Variants in DNAI7 observed in about 807,000 individuals in gnomAD.
DNAI7 encodes the protein cancer susceptibility 1.
In DNAI7, 78 loss-of-function variants were observed where a neutral mutation model predicts 86.6. The ratio of observed to expected loss-of-function variants is 0.90; its 90% CI spans 0.75 to 1.09. The LOEUF (loss-of-function observed/expected upper bound fraction) is 1.09, where lower values mean the gene tolerates loss of function less well. Ranked by LOEUF, DNAI7 falls within the 50% of genes least tolerant of loss-of-function variation. The probability of loss-of-function intolerance (pLI) is 0.00; values close to 1 mark genes in which losing one functional copy is unlikely to be tolerated. For synonymous variants in DNAI7, 274 were observed against 273.0 expected (o/e 1.00, Z -0.04); for missense variants, 753 against 810.2 (o/e 0.93, Z 0.86).
chr12:25,142,798 G>C (rs942072730), intron 9 of DNAI7, among the ~76,000 whole-genome samples: 5 of 152,100 alleles, frequency 3.3e-5, no homozygotes, highest in Non-Finnish European at 5.9e-5. Context: ...ACAATGTTAA[G>C]TCCAAGACCT....
intron 14 of DNAI7, among the ~76,000 whole-genome samples, chr12:25,111,054 C>A (rs1025525205): frequency 1.2e-4 from 19 of 152,036 alleles, no homozygotes; most frequent in African/African-American, 4.3e-4. Flanking sequence ...ACACTTATTT[C>A]TAAATATTAT....
At chr12:25,114,545 A>G (rs1226339662) in intron 13 of DNAI7, 111 bp downstream of exon 13, 3 of 659,652 alleles carry the variant, frequency 4.5e-6, no homozygotes, top group African/African-American at 3.6e-5. Flanking sequence ...TAAGACACTT[A>G]TATTTCAATA....
intron 8 of DNAI7, among the ~76,000 whole-genome samples, chr12:25,145,048 A>G (rs2140861986): frequency 6.6e-6 from 1 of 152,280 alleles, no homozygotes; most frequent in South Asian, 2.1e-4. Flanking sequence ...ATTACTATCT[A>G]TACTATCAGA....
At chr12:25,194,143 A>G (rs1255506246) in intron 1 of DNAI7, among the ~76,000 whole-genome samples, 2 of 152,094 alleles carry the variant, frequency 1.3e-5, no homozygotes, top group African/African-American at 4.8e-5. Flanking sequence ...TCTTCCCACC[A>G]TATGTGGAAA....
intron 2 of DNAI7, among the ~76,000 whole-genome samples, chr12:25,175,352 A>G (rs1273871168): frequency 6.6e-6 from 1 of 152,038 alleles, no homozygotes; most frequent in African/African-American, 2.4e-5. Flanking sequence ...CAGTGGATGA[A>G]CTATATGTTT....
intron 9 of DNAI7, among the ~76,000 whole-genome samples, chr12:25,131,598 A>T (rs1051475408): frequency 3.3e-5 from 5 of 152,170 alleles, no homozygotes; most frequent in Non-Finnish European, 7.3e-5. Context: ...AATCCCCAGT[A>T]ACCAGCTTGC....
chr12:25,117,799 T>C (rs906520952), intron 12 of DNAI7, among the ~76,000 whole-genome samples: 1 of 152,178 alleles, frequency 6.6e-6, no homozygotes, highest in African/African-American at 2.4e-5. Flanking sequence ...TCATCCCCAA[T>C]ACTTGTGTAC....
At chr12:25,173,188 C>T (rs898137246) in intron 2 of DNAI7, among the ~76,000 whole-genome samples, 3 of 152,126 alleles carry the variant, frequency 2.0e-5, no homozygotes, top group African/African-American at 7.2e-5. Context: ...AAAATCTTCA[C>T]AATGTATACA....
chr12:25,109,710 C>T (rs1002396328), intron 15 of DNAI7, among the ~76,000 whole-genome samples: 64 of 151,516 alleles, frequency 4.2e-4, no homozygotes, highest in African/African-American at 1.4e-3. Flanking sequence ...TGGAATTTTG[C>T]TCTTGTTGCC....
At chr12:25,191,550 G>A (rs900236367) in intron 1 of DNAI7, among the ~76,000 whole-genome samples, 2 of 151,452 alleles carry the variant, frequency 1.3e-5, no homozygotes, top group East Asian at 3.9e-4. Flanking sequence ...TAAAAATACA[G>A]AAAATTGGCC....
intron 2 of DNAI7, among the ~76,000 whole-genome samples, chr12:25,165,613 G>A (rs1211133665): frequency 2.0e-5 from 3 of 152,170 alleles, no homozygotes; most frequent in Non-Finnish European, 4.4e-5. Flanking sequence ...TCAGCTTAGC[G>A]GCTGAAGACT....
intron 2 of DNAI7, among the ~76,000 whole-genome samples, chr12:25,176,833 A>G (rs531527568): frequency 2.0e-5 from 3 of 150,122 alleles, no homozygotes; most frequent in Non-Finnish European, 4.4e-5. Context: ...TATGTATATT[A>G]TTGTGATTTG....
At chr12:25,182,704 C>T (rs1949643052) in intron 2 of DNAI7, among the ~76,000 whole-genome samples, 1 of 151,640 alleles carries the variant, frequency 6.6e-6, no homozygotes, top group Non-Finnish European at 1.5e-5. Context: ...AAGAGGATCA[C>T]CTGAGCCCCA....
At chr12:25,183,999 T>C (rs957251260) in intron 2 of DNAI7, among the ~76,000 whole-genome samples, 1 of 152,310 alleles carries the variant, frequency 6.6e-6, no homozygotes, top group African/African-American at 2.4e-5. Flanking sequence ...AAATATGCCT[T>C]CTATATCCAG....
chr12:25,154,924 T>C (rs12313024), intron 5 of DNAI7, among the ~76,000 whole-genome samples: 30,012 of 152,098 alleles, frequency 0.2, 3,438 homozygotes, highest in African/African-American at 0.32. Flanking sequence ...CACTTGATTA[T>C]ACCACAATCT....
At chr12:25,125,132 C>A (rs1475203331) in intron 9 of DNAI7, among the ~76,000 whole-genome samples, 1 of 152,138 alleles carries the variant, frequency 6.6e-6, no homozygotes, top group African/African-American at 2.4e-5. Context: ...TGAGTATATA[C>A]CCAGTAATGG....
At chr12:25,115,894 T>C (rs76662859) in intron 12 of DNAI7, among the ~76,000 whole-genome samples, 8,956 of 152,262 alleles carry the variant, frequency 0.059, 361 homozygotes, top group Non-Finnish European at 0.089. Context: ...CTGTTCAACA[T>C]TCCAACCTGT....
intron 9 of DNAI7, among the ~76,000 whole-genome samples, chr12:25,127,433 G>A (rs1296596578): frequency 6.6e-6 from 1 of 152,080 alleles, no homozygotes; most frequent in Non-Finnish European, 1.5e-5. Context: ...TGTTTTCCAA[G>A]TATTTTTTTC....
At position 25,123,209 on chromosome 12, in the gene DNAI7, A is replaced by G. The variant is rs371529006; in HGVS notation, c.1078+2T>C. On this transcript the variant is annotated splice_donor_variant, in intron 10 of 15. Coordinates refer to ENST00000395987, the MANE Select transcript of DNAI7 (RefSeq NM_018272.5). LOFTEE classifies it high-confidence loss of function. ...AAATTCTTAAAATGTAATTTAGAAT[A>G]CCTGCTGAAACAGTTTCACTTAATA... 15 of 1,558,200 alleles carry G rather than the reference A, an allele frequency of 9.6e-6. No individual in the cohort carries two copies. Among genetic ancestry groups the G allele is most frequent in the Non-Finnish European group, 1.3e-5 (15 of 1,139,590 alleles).
Sources: allele counts gnomAD v4.1 joint callset (sites outside exome capture counted in the v4.1 genomes callset), GRCh38; gene constraint gnomAD v4.1.1; transcripts MANE v1.5; gene names NCBI Gene and HGNC (gene_info 2026-07-23, HGNC 2026-07-21).